The following KIAA1958 variants were observed in gnomAD, a reference collection of about 807,000 sequenced individuals.
KIAA1958 encodes the protein uncharacterized protein KIAA1958.
In KIAA1958, 14 loss-of-function variants were observed where a neutral mutation model predicts 47.2. The observed-to-expected ratio is 0.30, with a 90% CI of 0.20 to 0.46. KIAA1958 has a LOEUF of 0.46. Ranked by LOEUF, KIAA1958 falls within the 20% of genes least tolerant of loss-of-function variation. The pLI is 1.00. For missense variants in KIAA1958, 803 were observed against 909.2 expected, an observed-to-expected ratio of 0.88 and a Z score of 1.50; for synonymous variants, 354 against 353.3, an observed-to-expected ratio of 1.00 and a Z score of -0.02.
chr9:112,555,941 G>A (rs1835232027), intron 1 of KIAA1958, among the ~76,000 whole-genome samples: 1 of 152,170 alleles, frequency 6.6e-6, no homozygotes, highest in Admixed American at 6.5e-5. Flanking sequence ...TGGTCCTGGT[G>A]ACACGTGCCT....
At chr9:112,594,556 C>T (rs1471167288) in intron 2 of KIAA1958, among the ~76,000 whole-genome samples, 4 of 152,180 alleles carry the variant, frequency 2.6e-5, no homozygotes, top group Admixed American at 1.3e-4. Context: ...TCTATCAGTA[C>T]TTCATTTCTT....
intron 1 of KIAA1958, among the ~76,000 whole-genome samples, chr9:112,516,750 T>C (rs1249236623): frequency 6.6e-6 from 1 of 152,350 alleles, no homozygotes; most frequent in Non-Finnish European, 1.5e-5. Context: ...TAAGAATTGT[T>C]GTTAAAGAAA....
intron 1 of KIAA1958, among the ~76,000 whole-genome samples, chr9:112,546,981 G>A (rs6477956): frequency 0.95 from 144,818 of 151,710 alleles, 69,194 homozygotes; most frequent in African/African-American, 0.99. Flanking sequence ...CCCGTCTGCT[G>A]CCCAAGCTGG....
intron 1 of KIAA1958, among the ~76,000 whole-genome samples, chr9:112,492,742 G>A (rs1384864236): frequency 6.6e-6 from 1 of 151,972 alleles, no homozygotes; most frequent in African/African-American, 2.4e-5. Context: ...ATGACTTAAA[G>A]TACAAAATCC....
chr9:112,577,561 A>C (rs560964924), intron 2 of KIAA1958, among the ~76,000 whole-genome samples: 1 of 150,840 alleles, frequency 6.6e-6, no homozygotes, highest in South Asian at 2.1e-4. Context: ...AATAGGGTAG[A>C]ATTCAGAAAT....
intron 1 of KIAA1958, among the ~76,000 whole-genome samples, chr9:112,516,947 T>A (rs1834446877): frequency 6.6e-6 from 1 of 152,226 alleles, no homozygotes; most frequent in Non-Finnish European, 1.5e-5. Context: ...AACAGTTGAT[T>A]GGTTACAACT....
chr9:112,649,256 CA>C (rs992817897), intron 3 of KIAA1958, among the ~76,000 whole-genome samples: 7 of 152,000 alleles, frequency 4.6e-5, no homozygotes, highest in African/African-American at 1.5e-4. Context: ...CTCCTGGGCT[CA>C]AGTGGTCCTT....
intron 1 of KIAA1958, among the ~76,000 whole-genome samples, chr9:112,490,508 G>A (rs868418633): frequency 6.6e-6 from 1 of 152,158 alleles, no homozygotes; most frequent in Non-Finnish European, 1.5e-5. Flanking sequence ...GCTCTGGTCC[G>A]TTTCCTAGGT....
intron 1 of KIAA1958, among the ~76,000 whole-genome samples, chr9:112,523,236 T>G (rs1215222208): frequency 6.6e-6 from 1 of 152,136 alleles, no homozygotes; most frequent in Non-Finnish European, 1.5e-5. Context: ...TGTGTTCATT[T>G]TAAAGTACTA....
chr9:112,586,876 A>G (rs1835835826), intron 2 of KIAA1958, among the ~76,000 whole-genome samples: 1 of 152,196 alleles, frequency 6.6e-6, no homozygotes, highest in Admixed American at 6.5e-5. Flanking sequence ...CCTCAGGTCA[A>G]ACAAGTCAGT....
At chr9:112,628,826 A>G (rs1836663600) in intron 2 of KIAA1958, among the ~76,000 whole-genome samples, 2 of 152,120 alleles carry the variant, frequency 1.3e-5, no homozygotes, top group Non-Finnish European at 2.9e-5. Context: ...TTCTCCCACA[A>G]TTTTAAATGT....
intron 1 of KIAA1958, among the ~76,000 whole-genome samples, chr9:112,503,288 A>C (rs1834175803): frequency 6.6e-6 from 1 of 152,180 alleles, no homozygotes; most frequent in Non-Finnish European, 1.5e-5. Context: ...GAGGAAGAGC[A>C]TTTGAGGCAA....
intron 1 of KIAA1958, among the ~76,000 whole-genome samples, chr9:112,520,918 T>G (rs1834528892): frequency 6.6e-6 from 1 of 152,222 alleles, no homozygotes; most frequent in Non-Finnish European, 1.5e-5. Flanking sequence ...GCTAAATAAA[T>G]GATTTCTTTA....
rs946127878 is a variant in KIAA1958 at position 112,666,621 on chromosome 9, T to C, written c.*6552T>C. The C allele has an allele frequency of 1.3e-5, 2 of 152,190 alleles. No individual in the cohort carries two copies. The highest frequency in any genetic ancestry group is 2.9e-5 in the Non-Finnish European group (2 of 68,032). The allele number at this position is 152,190 out of a possible 1,614,324, so 9.4% of individuals were successfully genotyped here. On this transcript the variant is annotated 3_prime_UTR_variant, in exon 4 of 4. Coordinates refer to ENST00000337530, the MANE Select transcript of KIAA1958 (RefSeq NM_133465.4). ...AAGGCCAAATCTCAATTCTAGAATC[T>C]AGAAGGAATTGATGTAATTTATGAG...
Position 112,662,076 on chromosome 9 carries a change from C to A in KIAA1958, c.*2007C>A, listed in dbSNP as rs1283841299. On this transcript the variant is annotated 3_prime_UTR_variant, in exon 4 of 4. Coordinates refer to ENST00000337530, the MANE Select transcript of KIAA1958 (RefSeq NM_133465.4). The stretch of plus-strand genomic sequence containing the variant: ...GGATCTTTTCGGATTTTGACCTTTT[C>A]AAAGGTAGCAATAACTACTCCAGAG... 6.6e-6 allele frequency: 1 copy of A among 152,242 alleles called. No individual in the cohort carries two copies. Among genetic ancestry groups the A allele is most frequent in the South Asian group, 2.1e-4 (1 of 4,830 alleles). The allele number at this position is 152,242 out of a possible 1,614,324, so 9.4% of individuals were successfully genotyped here. A position where few individuals can be genotyped will look rare whatever the true frequency, so the allele number is the denominator to read the frequency against.
chr9:112,573,389 GCTT>G (rs1353205241), intron 1 of KIAA1958, among the ~76,000 whole-genome samples: 3 of 152,126 alleles, frequency 2.0e-5, no homozygotes, highest in Admixed American at 6.5e-5. Flanking sequence ...CCCCATCCTT[GCTT>G]CTTTGGTCTA....
intron 2 of KIAA1958, among the ~76,000 whole-genome samples, chr9:112,601,512 A>G (rs910013915): frequency 1.8e-4 from 27 of 152,138 alleles, no homozygotes; most frequent in African/African-American, 6.3e-4. Context: ...GGACTTGTTA[A>G]AAATGCAGAC....
At chr9:112,537,420 A>G (rs1054514951) in intron 1 of KIAA1958, among the ~76,000 whole-genome samples, 3 of 152,214 alleles carry the variant, frequency 2.0e-5, no homozygotes, top group African/African-American at 7.2e-5. Flanking sequence ...TATTTCACAA[A>G]TATAACTAAT....
intron 1 of KIAA1958, among the ~76,000 whole-genome samples, chr9:112,489,480 T>C (rs1408453958): frequency 6.6e-6 from 1 of 151,518 alleles, no homozygotes; most frequent in Non-Finnish European, 1.5e-5. Context: ...TTGTGTTTTT[T>C]TTTTTTTGAC....
Sources: allele counts gnomAD v4.1 joint callset (sites outside exome capture counted in the v4.1 genomes callset), GRCh38; gene constraint gnomAD v4.1.1; transcripts MANE v1.5; gene names NCBI Gene and HGNC (gene_info 2026-07-23, HGNC 2026-07-21).